The following MYO6 variants were observed in gnomAD, a reference collection of about 807,000 sequenced individuals.
The protein encoded by MYO6 is unconventional myosin-VI.
MYO6 carries 74 observed loss-of-function variants against 178.7 expected under a neutral mutation model. That is an observed-to-expected ratio of 0.41 (90% CI 0.34 to 0.50). MYO6 has a LOEUF of 0.50. Among genes scored for constraint, MYO6 ranks in the 20% least tolerant of loss-of-function variants. The pLI, the probability that MYO6 is intolerant of heterozygous loss-of-function variation, is 0.09. For missense variants in MYO6, 1,330 were observed against 1,547.4 expected, an observed-to-expected ratio of 0.86 and a Z score of 2.36; for synonymous variants, 477 against 504.6, an observed-to-expected ratio of 0.95 and a Z score of 0.73.
intron 32 of MYO6, among the ~76,000 whole-genome samples, chr6:75,910,289 T>C (rs1407552020): frequency 2.0e-5 from 3 of 152,218 alleles, no homozygotes; most frequent in African/African-American, 7.2e-5. Flanking sequence ...AGACTTTCAT[T>C]ATATTGTATT....
At chr6:75,789,646 T>G (rs1487800180) in intron 1 of MYO6, among the ~76,000 whole-genome samples, 2 of 152,162 alleles carry the variant, frequency 1.3e-5, no homozygotes, top group Admixed American at 6.5e-5. Flanking sequence ...CACATAATTG[T>G]ACATATTTAT....
At chr6:75,833,031 G>T (rs1773274608) in intron 6 of MYO6, 84 bp downstream of exon 6, 2 of 940,528 alleles carry the variant, frequency 2.1e-6, no homozygotes, top group South Asian at 1.3e-5. Context: ...GTGTCACCCA[G>T]GGTGGAATGC....
At chr6:75,912,735 A>G (rs1020902527) in intron 33 of MYO6, among the ~76,000 whole-genome samples, 10 of 152,120 alleles carry the variant, frequency 6.6e-5, no homozygotes, top group African/African-American at 2.4e-4. Flanking sequence ...CAATGTAGGG[A>G]GTTTTGAAAA....
intron 3 of MYO6, among the ~76,000 whole-genome samples, chr6:75,825,020 A>G (rs1772312900): frequency 6.6e-6 from 1 of 152,096 alleles, no homozygotes; most frequent in African/African-American, 2.4e-5. Flanking sequence ...TGGGCTCCCA[A>G]AGTGCTGGGA....
At chr6:75,914,784 G>C (rs761477235) in intron 34 of MYO6, 29 bp from the exon 35 acceptor site, 1 of 1,604,718 alleles carries the variant, frequency 6.2e-7, no homozygotes, top group South Asian at 1.1e-5. Context: ...AGAGAGAGAT[G>C]GTAATTTTCT....
At chr6:75,849,722 G>GCGGGAAATA (rs1481815718) in intron 11 of MYO6, among the ~76,000 whole-genome samples, 1 of 152,164 alleles carries the variant, frequency 6.6e-6, no homozygotes, top group Non-Finnish European at 1.5e-5. Flanking sequence ...ACTCTTCAAG[G>GCGGGAAATA]CGGGAAATAC....
intron 1 of MYO6, among the ~76,000 whole-genome samples, chr6:75,791,777 C>T (rs1418848051): frequency 6.6e-6 from 1 of 152,172 alleles, no homozygotes; most frequent in African/African-American, 2.4e-5. Flanking sequence ...TTAACTTGAA[C>T]AATTTAAAAT....
intron 1 of MYO6, among the ~76,000 whole-genome samples, chr6:75,758,436 A>G (rs1463445109): frequency 6.6e-6 from 1 of 152,024 alleles, no homozygotes; most frequent in Non-Finnish European, 1.5e-5. Context: ...CACCTAAATT[A>G]GATTGTAATG....
rs1581999443 is a variant in MYO6 at position 75,908,712 on chromosome 6, C to T, written c.3412+85C>T. 17 of 1,448,384 alleles carry T rather than the reference C, an allele frequency of 1.2e-5. No individual in the cohort carries two copies. The East Asian group carries it at 1.6e-4, about 14-fold the overall frequency. 89.7% of individuals were successfully genotyped at this position (1,448,384 alleles called of 1,614,324 possible). On this transcript the variant is annotated intron_variant, in intron 32 of 34. Coordinates refer to ENST00000369977, the MANE Select transcript of MYO6 (RefSeq NM_004999.4). ...TGTACTTAAGACATGGGTAAAATGT[C>T]CCATATAAATTTTCTCCTATTTTAG...
intron 22 of MYO6, among the ~76,000 whole-genome samples, chr6:75,880,597 A>G (rs1385856235): frequency 1.3e-5 from 2 of 152,230 alleles, no homozygotes; most frequent in African/African-American, 2.4e-5. Context: ...AGCGTGGACA[A>G]TCTTGTCTTA....
intron 28 of MYO6, among the ~76,000 whole-genome samples, chr6:75,892,908 G>C (rs545815345): frequency 6.6e-6 from 1 of 152,164 alleles, no homozygotes; most frequent in East Asian, 1.9e-4. Context: ...TGACAAATAA[G>C]ACTAAAATTT....
intron 11 of MYO6, among the ~76,000 whole-genome samples, chr6:75,853,563 G>A (rs1375380576): frequency 6.6e-6 from 1 of 152,086 alleles, no homozygotes; most frequent in African/African-American, 2.4e-5. Context: ...ACATCCAGTT[G>A]TTCCAGTACC....
chr6:75,849,407 C>G (rs1215825636), intron 11 of MYO6, among the ~76,000 whole-genome samples: 2 of 152,286 alleles, frequency 1.3e-5, no homozygotes, highest in Middle Eastern at 3.4e-3. Flanking sequence ...ATGTAGTAGT[C>G]AATAATGGGC....
intron 29 of MYO6, among the ~76,000 whole-genome samples, chr6:75,896,430 T>C (rs1176468194): frequency 2.6e-5 from 4 of 151,990 alleles, no homozygotes; most frequent in African/African-American, 9.7e-5. Context: ...GATATAGGAA[T>C]GTTGTGTTGG....
intron 9 of MYO6, among the ~76,000 whole-genome samples, chr6:75,843,301 T>C (rs1218702471): frequency 1.3e-5 from 2 of 152,224 alleles, no homozygotes; most frequent in Non-Finnish European, 2.9e-5. Context: ...GAATTGTGGA[T>C]GTATACCTGT....
chr6:75,775,635 C>G (rs962255471), intron 1 of MYO6, among the ~76,000 whole-genome samples: 1 of 152,160 alleles, frequency 6.6e-6, no homozygotes, highest in Non-Finnish European at 1.5e-5. Flanking sequence ...TGTATATGAC[C>G]TATAAAAGGG....
At chr6:75,785,051 T>A (rs145028063) in intron 1 of MYO6, among the ~76,000 whole-genome samples, 76 of 152,306 alleles carry the variant, frequency 5.0e-4, no homozygotes, top group African/African-American at 1.7e-3. Flanking sequence ...AAATGTAAAT[T>A]ATCATTTTTT....
chr6:75,784,121 G>A (rs1399794172), intron 1 of MYO6, among the ~76,000 whole-genome samples: 2 of 152,060 alleles, frequency 1.3e-5, no homozygotes, highest in Non-Finnish European at 1.5e-5. Context: ...ACAGGCGCAT[G>A]CCACCATGCC....
chr6:75,795,733 A>G (rs1228698538), intron 1 of MYO6, among the ~76,000 whole-genome samples: 5 of 152,182 alleles, frequency 3.3e-5, no homozygotes, highest in Admixed American at 6.5e-5. Context: ...ATTTTTATCC[A>G]TGTTTTGAGA....
Sources: allele counts gnomAD v4.1 joint callset (sites outside exome capture counted in the v4.1 genomes callset), GRCh38; gene constraint gnomAD v4.1.1; transcripts MANE v1.5; gene names NCBI Gene and HGNC (gene_info 2026-07-23, HGNC 2026-07-21).